The following FRMPD2 variants were observed in gnomAD, a reference collection of about 807,000 sequenced individuals.
FRMPD2 encodes the protein FERM and PDZ domain-containing protein 2.
In FRMPD2, 96 loss-of-function variants were observed where a neutral mutation model predicts 140.1. The ratio of observed to expected loss-of-function variants is 0.69; its 90% CI spans 0.58 to 0.81. The LOEUF (loss-of-function observed/expected upper bound fraction) is 0.81, where lower values mean the gene tolerates loss of function less well. FRMPD2 is among the 40% of genes least tolerant of loss of function. The pLI, the probability that FRMPD2 is intolerant of heterozygous loss-of-function variation, is 0.00. For missense variants in FRMPD2, 1,240 were observed against 1,447.4 expected, an observed-to-expected ratio of 0.86 and a Z score of 2.32; for synonymous variants, 449 against 547.6, an observed-to-expected ratio of 0.82 and a Z score of 2.52.
At chr10:48,193,819 G>A (rs930748808) in intron 15 of FRMPD2, among the ~76,000 whole-genome samples, 1 of 152,052 alleles carries the variant, frequency 6.6e-6, no homozygotes, top group African/African-American at 2.4e-5. Context: ...GGATATCCAT[G>A]GGCATATATT....
In FRMPD2 at chr10:48,212,083, G is replaced by A. The variant is rs145152474; in HGVS notation, c.1482C>T (p.His494=). The A allele has an allele frequency of 2.5e-3, 4,113 of 1,613,976 alleles. 17 individuals are homozygous for A. Among genetic ancestry groups the A allele is most frequent in the Non-Finnish European group, 2.8e-3 (3,255 of 1,179,948 alleles). The change falls in exon 13 of 29, where the codon CAC becomes CAT. Residue 494 remains histidine, a synonymous_variant. Transcript: ENST00000374201. ...GACTCGCTGGGATGTAATCTTCAAC[G>A]TGAAAGTATGGCTTACTCTCCACCT... The part of the protein sequence containing the change: ...KEQVESKPYF[H]VEDYIPASLI...
intron 20 of FRMPD2, among the ~76,000 whole-genome samples, chr10:48,183,612 A>G (rs750293599): frequency 3.3e-5 from 5 of 152,082 alleles, no homozygotes; most frequent in Non-Finnish European, 5.9e-5. Flanking sequence ...GCACTTTGGG[A>G]GGCTGAGGCG....
At chr10:48,253,029 G>T (rs1305530882) in intron 1 of FRMPD2, among the ~76,000 whole-genome samples, 1 of 152,044 alleles carries the variant, frequency 6.6e-6, no homozygotes, top group Non-Finnish European at 1.5e-5. Flanking sequence ...GCTTATTAAA[G>T]ATAAGAAGGG....
In FRMPD2 at chr10:48,251,608, G is replaced by C; in HGVS notation, c.109C>G (p.Leu37Val). The C allele has an allele frequency of 1.2e-6, 2 of 1,614,238 alleles. No individual in the cohort carries two copies. The highest frequency in any genetic ancestry group is 1.7e-6 in the Non-Finnish European group (2 of 1,180,036). Residue 37 changes from leucine to valine, a missense_variant, in exon 2 of 29, where the codon CTG (leucine) becomes GTG (valine). By Grantham distance (32) the Leu-to-Val change is conservative. Coordinates refer to ENST00000374201, the MANE Select transcript of FRMPD2 (RefSeq NM_001018071.4). The part of the protein sequence containing the change: ...ALSEEEIWSL[L>V]FLAAEQLLED... ...AGGAGCTGCTCAGCGGCCAGGAACA[G>C]GAGGGACCAGATTTCCTCCTCAGAC...
Position 48,251,556 on chromosome 10 carries a change from ACT to A in FRMPD2, c.151+8_151+9del, listed in dbSNP as rs59792918. 14,602 of 1,613,210 alleles carry A rather than the reference ACT, an allele frequency of 9.1e-3. 998 individuals are homozygous for A. The African/African-American group carries it at 0.16, about 18-fold the overall frequency. The stretch of plus-strand genomic sequence containing the variant: ...CCCTGTGATTTGACTGCCCCCAAAC[ACT>A]CTCTTACCGTTGCGGAGGTCTTCCA... On this transcript the variant is annotated splice_region_variant and intron_variant, in intron 2 of 28. Coordinates refer to ENST00000374201, the MANE Select transcript of FRMPD2 (RefSeq NM_001018071.4).
At chr10:48,265,324 T>A (rs1043423263) in intron 1 of FRMPD2, among the ~76,000 whole-genome samples, 1 of 152,026 alleles carries the variant, frequency 6.6e-6, no homozygotes, top group South Asian at 2.1e-4. Flanking sequence ...TTTATTACGA[T>A]GATGTCAAAA....
intron 1 of FRMPD2, among the ~76,000 whole-genome samples, chr10:48,256,489 C>A (rs931559315): frequency 6.6e-6 from 1 of 152,142 alleles, no homozygotes; most frequent in African/African-American, 2.4e-5. Context: ...ATTCATCTCC[C>A]CTCCCCAACT....
chr10:48,262,885 C>T (rs568741447), intron 1 of FRMPD2, among the ~76,000 whole-genome samples: 1 of 152,182 alleles, frequency 6.6e-6, no homozygotes, highest in South Asian at 2.1e-4. Flanking sequence ...AAGCAATTCT[C>T]GTGCCTCAGC....
chr10:48,216,430 A>G (rs1273048007), intron 12 of FRMPD2, among the ~76,000 whole-genome samples: 4 of 152,148 alleles, frequency 2.6e-5, no homozygotes, highest in Non-Finnish European at 5.9e-5. Context: ...CTGGGGCAAG[A>G]GACTCTGCTG....
chr10:48,190,696 T>C (rs1233614159), intron 16 of FRMPD2, among the ~76,000 whole-genome samples: 1 of 152,218 alleles, frequency 6.6e-6, no homozygotes, highest in South Asian at 2.1e-4. Context: ...TGATGTGAGT[T>C]ATTAAGGGTC....
rs192396185 is a variant in FRMPD2 at position 48,270,693 on chromosome 10, C to A, written c.25+3850G>T. On this transcript the variant is annotated intron_variant, in intron 1 of 28. Coordinates refer to ENST00000374201, the MANE Select transcript of FRMPD2 (RefSeq NM_001018071.4). ...CCTTAGATGTAGAGAGCTGAATTCA[C>A]CTTCCCCCCACCTCCTCCTCTTTCA... Among the ~76,000 whole-genome samples the A allele has an allele frequency of 2.8e-3, 425 of 151,790 alleles. 1 individual carries two copies. Among genetic ancestry groups the A allele is most frequent in the African/African-American group, 7.6e-3 (315 of 41,418 alleles).
At chr10:48,211,859 G>T in intron 13 of FRMPD2, 95 bp downstream of exon 13, 1 of 1,249,904 alleles carries the variant, frequency 8.0e-7, no homozygotes, top group Non-Finnish European at 1.1e-6. Flanking sequence ...TTGTGGGTCT[G>T]CACACACCTG....
intron 26 of FRMPD2, among the ~76,000 whole-genome samples, chr10:48,170,452 C>T (rs1454063062): frequency 2.6e-5 from 4 of 152,152 alleles, no homozygotes; most frequent in African/African-American, 9.7e-5. Context: ...AGCCCTAGGC[C>T]ACAACATGCT....
chr10:48,267,214 A>G (rs7069773), intron 1 of FRMPD2, among the ~76,000 whole-genome samples: 5,994 of 152,298 alleles, frequency 0.039, 405 homozygotes, highest in African/African-American at 0.14. Flanking sequence ...AAAAGACAAC[A>G]GAAGCCAGTA....
intron 10 of FRMPD2, among the ~76,000 whole-genome samples, chr10:48,230,992 G>A (rs189483686): frequency 6.6e-6 from 1 of 152,086 alleles, no homozygotes; most frequent in East Asian, 1.9e-4. Context: ...TAGCCTCAGA[G>A]CCACTCTTTC....
At chr10:48,264,529 A>G (rs182689916) in intron 1 of FRMPD2, among the ~76,000 whole-genome samples, 217 of 152,244 alleles carry the variant, frequency 1.4e-3, no homozygotes, top group African/African-American at 5.1e-3. Context: ...AATATCAATT[A>G]TTATATTAAC....
At chr10:48,210,082 C>T (rs982093578) in intron 13 of FRMPD2, among the ~76,000 whole-genome samples, 1 of 152,120 alleles carries the variant, frequency 6.6e-6, no homozygotes, top group Admixed American at 6.6e-5. Context: ...TGTGCTATCT[C>T]CAGGCGGCAG....
intron 1 of FRMPD2, among the ~76,000 whole-genome samples, chr10:48,272,414 A>C (rs764024280): frequency 7.9e-5 from 12 of 152,050 alleles, no homozygotes; most frequent in Non-Finnish European, 1.6e-4. Context: ...TAAATAAGTT[A>C]TATTAACAAT....
chr10:48,200,388 T>C (rs1287360760), intron 15 of FRMPD2, among the ~76,000 whole-genome samples: 2 of 152,144 alleles, frequency 1.3e-5, no homozygotes, highest in Non-Finnish European at 2.9e-5. Context: ...TCAACCAATC[T>C]GAACTAAGCA....
Sources: allele counts gnomAD v4.1 joint callset (sites outside exome capture counted in the v4.1 genomes callset), GRCh38; gene constraint gnomAD v4.1.1; transcripts MANE v1.5; gene names NCBI Gene and HGNC (gene_info 2026-07-23, HGNC 2026-07-21).